PDLIM1: variants seen among roughly 807,000 people sequenced by gnomAD.
The protein encoded by PDLIM1 is PDZ and LIM domain 1, also known as PDZ and LIM domain protein 1.
PDLIM1 carries 25 observed loss-of-function variants against 35.2 expected under a neutral mutation model. The ratio of observed to expected loss-of-function variants is 0.71; its 90% confidence interval spans 0.52 to 0.99. The LOEUF (loss-of-function observed/expected upper bound fraction) is 0.99. PDLIM1 is among the 50% of genes least tolerant of loss of function. The probability of loss-of-function intolerance (pLI) is 0.00; values close to 1 mark genes in which losing one functional copy is unlikely to be tolerated. For missense variants in PDLIM1, 363 were observed against 415.3 expected (o/e 0.87, Z 1.09); for synonymous variants, 152 against 154.0 (o/e 0.99, Z 0.10).
At chr10:95,242,078 C>T (rs949478471) in intron 5 of PDLIM1, among the ~76,000 whole-genome samples, 6 of 152,294 alleles carry the variant, frequency 3.9e-5, no homozygotes, top group South Asian at 4.1e-4. Flanking sequence ...CACAGATGTC[C>T]ACCTGGCAGC....
intron 4 of PDLIM1, among the ~76,000 whole-genome samples, chr10:95,250,041 G>T (rs2035254631): frequency 6.6e-6 from 1 of 152,106 alleles, no homozygotes; most frequent in Admixed American, 6.5e-5. Flanking sequence ...TTAACCAAGG[G>T]TCTTTCTTTG....
In PDLIM1 at chr10:95,244,406, T is replaced by C. The variant is rs527509552; in HGVS notation, c.685+2809A>G. Among the ~76,000 whole-genome samples, 14 of 152,320 alleles carry C rather than the reference T, an allele frequency of 9.2e-5. No homozygotes were observed. The South Asian group carries it at 2.7e-3, about 29-fold the overall frequency. On this transcript the variant is annotated intron_variant, in intron 5 of 6. Transcript: ENST00000329399. Reference sequence around the variant, plus strand: ...ATGAGGTCCTGGCTATTAGCTTCAATGGATCTGTGCAGAAACTAGAGCTTA... The same window carrying C: ...ATGAGGTCCTGGCTATTAGCTTCAACGGATCTGTGCAGAAACTAGAGCTTA...
chr10:95,282,847 G>A (rs2035572323), intron 1 of PDLIM1, among the ~76,000 whole-genome samples: 1 of 152,226 alleles, frequency 6.6e-6, no homozygotes, highest in South Asian at 2.1e-4. Context: ...GGGAGGCTGA[G>A]GTGGGAGGAT....
At chr10:95,284,543 A>G (rs920851065) in intron 1 of PDLIM1, among the ~76,000 whole-genome samples, 1 of 152,084 alleles carries the variant, frequency 6.6e-6, no homozygotes, top group African/African-American at 2.4e-5. Context: ...TAGTAGAGAC[A>G]GGGTTTCACC....
intron 2 of PDLIM1, among the ~76,000 whole-genome samples, chr10:95,270,192 G>A (rs78060042): frequency 0.027 from 4,046 of 152,206 alleles, 154 homozygotes; most frequent in African/African-American, 0.088. Flanking sequence ...AGATAGAAAT[G>A]GAGATGAGAA....
intron 1 of PDLIM1, among the ~76,000 whole-genome samples, chr10:95,287,460 A>G (rs1004039770): frequency 2.6e-5 from 4 of 152,208 alleles, no homozygotes; most frequent in African/African-American, 9.6e-5. Flanking sequence ...CTCTTAGCAA[A>G]GGGTTCCCCA....
chr10:95,247,330 G>A lies in PDLIM1; in HGVS notation c.570C>T (p.Ile190=), dbSNP rs754980043. The A allele has an allele frequency of 1.2e-5, 20 of 1,613,632 alleles. No individual in the cohort carries two copies. Among genetic ancestry groups the A allele is most frequent in the Non-Finnish European group, 1.7e-5 (20 of 1,179,740 alleles). The change falls in exon 5 of 7, where the codon ATC becomes ATT. Residue 190 remains isoleucine (I), a synonymous_variant. Coordinates refer to ENST00000329399, the MANE Select transcript of PDLIM1 (RefSeq NM_020992.4). ...TCTTGTAAACTTCAGATTCTTTGTC[G>A]ATGACAAGGCTGCTTGGAGGCTGAG... ...DHAQPPSSLV[I]DKESEVYKML...
At chr10:95,269,571 CAAAA>C (rs11443591) in intron 2 of PDLIM1, among the ~76,000 whole-genome samples, 3 of 130,338 alleles carry the variant, frequency 2.3e-5, no homozygotes, top group Non-Finnish European at 1.6e-5. Context: ...GACTCCATCC[CAAAA>C]AAAAAAAAAA....
intron 6 of PDLIM1, 67 bp from the exon 7 acceptor site, chr10:95,238,178 T>C: frequency 7.0e-7 from 1 of 1,429,144 alleles, no homozygotes; most frequent in Non-Finnish European, 9.7e-7. Flanking sequence ...CCTGAGCAGG[T>C]GGCACCATCC....
intron 5 of PDLIM1, among the ~76,000 whole-genome samples, chr10:95,241,957 G>A (rs575353318): frequency 2.0e-5 from 3 of 152,336 alleles, no homozygotes; most frequent in South Asian, 4.2e-4. Flanking sequence ...AACAACAAGA[G>A]GGTATATGTG....
chr10:95,266,326 A>G (rs1222841943), intron 3 of PDLIM1, among the ~76,000 whole-genome samples: 1 of 152,252 alleles, frequency 6.6e-6, no homozygotes, highest in Admixed American at 6.5e-5. Flanking sequence ...ATTAAAGGCT[A>G]TGGTCATGAA....
Position 95,237,651 on chromosome 10 carries a change from A to G in PDLIM1, c.*274T>C. ...ATTTGATTGGGTTCAAATTTGGCTG[A>G]TGTCCAAATGCAGCAGAGAAGAACG... On this transcript the variant is annotated 3_prime_UTR_variant, in exon 7 of 7. Transcript: ENST00000329399. 1 of 431,798 alleles carries G rather than the reference A, an allele frequency of 2.3e-6. No homozygotes were observed. Among genetic ancestry groups the G allele is most frequent in the Non-Finnish European group, 4.2e-6 (1 of 238,926 alleles). 26.7% of individuals were successfully genotyped at this position (431,798 alleles called of 1,614,324 possible).
At chr10:95,264,928 T>G (rs1564602685) in intron 3 of PDLIM1, among the ~76,000 whole-genome samples, 1 of 146,614 alleles carries the variant, frequency 6.8e-6, no homozygotes, top group Non-Finnish European at 1.5e-5. Context: ...TTTCTTTCCC[T>G]CCTGCCAGCA....
intron 4 of PDLIM1, chr10:95,247,675 T>C (rs1185267086): frequency 1.3e-5 from 3 of 224,168 alleles, no homozygotes; most frequent in Non-Finnish European, 2.6e-5. Context: ...ATCAGCAGCA[T>C]TATGTCCAGA....
chr10:95,249,804 T>A (rs1222667660), intron 4 of PDLIM1, among the ~76,000 whole-genome samples: 2 of 152,126 alleles, frequency 1.3e-5, no homozygotes, highest in Non-Finnish European at 2.9e-5. Flanking sequence ...GTTCTCACAA[T>A]AAAGGAAAAG....
At chr10:95,280,368 C>T (rs903098352) in intron 1 of PDLIM1, among the ~76,000 whole-genome samples, 5 of 152,066 alleles carry the variant, frequency 3.3e-5, no homozygotes, top group Non-Finnish European at 7.4e-5. Flanking sequence ...GAGCGAGATT[C>T]CATCTCCAAA....
intron 1 of PDLIM1, among the ~76,000 whole-genome samples, chr10:95,280,482 A>G (rs1232194340): frequency 6.6e-6 from 1 of 152,214 alleles, no homozygotes; most frequent in Non-Finnish European, 1.5e-5. Flanking sequence ...AAGCATGATT[A>G]TATGTAGAAA....
chr10:95,281,769 G>C (rs112482933), intron 1 of PDLIM1, among the ~76,000 whole-genome samples: 181 of 152,304 alleles, frequency 1.2e-3, no homozygotes, highest in African/African-American at 4.0e-3. Flanking sequence ...TAGTTTCACA[G>C]GCATGAGCCA....
rs572395442 is a variant in PDLIM1 at position 95,290,665 on chromosome 10, G to C, written c.96+155C>G. Among the ~76,000 whole-genome samples the C allele has an allele frequency of 6.6e-6, 1 of 151,664 alleles. No homozygotes were observed. The highest frequency in any genetic ancestry group is 2.1e-4 in the South Asian group (1 of 4,804). On this transcript the variant is annotated intron_variant, in intron 1 of 6. Coordinates refer to ENST00000329399, the MANE Select transcript of PDLIM1 (RefSeq NM_020992.4). The surrounding 1 kb of genome is among the most constrained non-coding windows in gnomAD (Gnocchi z 4.7). Reference sequence around the variant, plus strand: ...CGCGAAGGGGCGGCGGGGAGCGGCGGGGCCCGGGCGCGCGGAGAGCGCTCA... The same window carrying C: ...CGCGAAGGGGCGGCGGGGAGCGGCGCGGCCCGGGCGCGCGGAGAGCGCTCA...
Sources: allele counts gnomAD v4.1 joint callset (sites outside exome capture counted in the v4.1 genomes callset), GRCh38; gene constraint gnomAD v4.1.1; non-coding constraint Gnocchi (gnomAD v3.1); transcripts MANE v1.5; gene names NCBI Gene and HGNC (gene_info 2026-07-23, HGNC 2026-07-21).